The following MED13 variants were observed in gnomAD, a reference collection of about 807,000 sequenced individuals.
The protein encoded by MED13 is mediator complex subunit 13.
In MED13, 23 loss-of-function variants were observed where a neutral mutation model predicts 225.2. The observed-to-expected ratio is 0.10, with a 90% CI of 0.07 to 0.14. MED13 has a LOEUF of 0.14. Ranked by LOEUF, MED13 falls within the 10% of genes least tolerant of loss-of-function variation. The pLI is 1.00. For synonymous variants in MED13, 942 were observed against 889.2 expected, an observed-to-expected ratio of 1.06 and a Z score of -1.06; for missense variants, 2,197 against 2,594.5, an observed-to-expected ratio of 0.85 and a Z score of 3.33.
rs370054054 is a variant in MED13 at position 61,982,463 on chromosome 17, T to C, written c.3540A>G (p.Glu1180=). The C allele has an allele frequency of 1.2e-6, 2 of 1,614,126 alleles. No homozygotes were observed. Among genetic ancestry groups the C allele is most frequent in the African/African-American group, 2.7e-5 (2 of 74,958 alleles). Reference sequence around the variant, plus strand: ...TCAAATCATCAGATAATTTTTCAGATTCCTTTAGTCCTCCATTAACATGTT... The same window carrying C: ...TCAAATCATCAGATAATTTTTCAGACTCCTTTAGTCCTCCATTAACATGTT... ...SAEHVNGGLK[E]SEKLSDDLIL... Residue 1180 remains glutamate, a synonymous_variant, in exon 16 of 30, where the codon GAA becomes GAG. Coordinates refer to ENST00000397786, the MANE Select transcript of MED13 (RefSeq NM_005121.3).
intron 9 of MED13, chr17:62,003,943 CT>C (rs1567971157): frequency 6.6e-6 from 1 of 151,962 alleles, no homozygotes; most frequent in Non-Finnish European, 1.5e-5. Flanking sequence ...TCTAAGAGAC[CT>C]TCATTTTACT....
intron 16 of MED13, among the ~76,000 whole-genome samples, chr17:61,977,930 C>T (rs571871696): frequency 6.6e-6 from 1 of 152,258 alleles, no homozygotes; most frequent in Non-Finnish European, 1.5e-5. Context: ...TTTCTTTGGA[C>T]AAGTTGTTAA....
Position 61,946,901 on chromosome 17 carries a change from G to T in MED13, c.6392+16C>A. The T allele has an allele frequency of 6.3e-7, 1 of 1,576,548 alleles. No individual in the cohort carries two copies. The highest frequency in any genetic ancestry group is 8.7e-7 in the Non-Finnish European group (1 of 1,146,910). On this transcript the variant is annotated intron_variant, in intron 29 of 29. Coordinates refer to ENST00000397786, the MANE Select transcript of MED13 (RefSeq NM_005121.3). ...AAAGTTGCAGTGACAAACTGTTAAT[G>T]GTAAAAGAGTTGTACCTGAGGACAT...
At position 62,048,064 on chromosome 17, in the gene MED13, G is replaced by GTATA. The variant is rs1357948287; in HGVS notation, c.470+4469_470+4472dup. On this transcript the variant is annotated intron_variant, in intron 3 of 29. Transcript: ENST00000397786. ...TATACATATATATATATATATATATGTATATATGTATATATATATCCCTGA... is the reference window on the plus strand; with the variant it reads ...TATACATATATATATATATATATATGTATATATATATGTATATATATATCCCTGA... Among the ~76,000 whole-genome samples the GTATA allele has an allele frequency of 2.7e-5, 3 of 112,878 alleles. No individual in the cohort carries two copies. In the East Asian group the frequency reaches 7.5e-4, roughly 28 times the overall value. 74.1% of individuals were successfully genotyped at this position (112,878 alleles called of 152,430 possible).
At chr17:62,034,274 C>G (rs2080782990) in intron 4 of MED13, among the ~76,000 whole-genome samples, 1 of 152,052 alleles carries the variant, frequency 6.6e-6, no homozygotes, top group Non-Finnish European at 1.5e-5. Context: ...CACCTGAGGT[C>G]AGGAGTTCAA....
chr17:61,986,549 T>C (rs2080249808), intron 12 of MED13, among the ~76,000 whole-genome samples: 2 of 152,210 alleles, frequency 1.3e-5, no homozygotes, highest in South Asian at 2.1e-4. Context: ...ATCATGTATC[T>C]GTCTTATAAT....
chr17:61,955,472 T>C lies in MED13; in HGVS notation c.5878A>G (p.Ile1960Val), dbSNP rs768718740. The C allele has an allele frequency of 2.5e-6, 4 of 1,605,122 alleles. No homozygotes were observed. The African/African-American group carries it at 4.0e-5, about 16-fold the overall frequency. The part of the protein sequence containing the change: ...NTPQDTSCTH[I>V]LVFPTSASVQ... Reference sequence around the variant, plus strand: ...GAAGCAGAAGTAGGAAACACAAGTATATGAGTACATGATGTATCCTGTGGG... The same window carrying C: ...GAAGCAGAAGTAGGAAACACAAGTACATGAGTACATGATGTATCCTGTGGG... The change falls in exon 26 of 30, where the codon ATA becomes GTA. Residue 1960 changes from isoleucine (I) to valine (V), a missense_variant. Ile to Val is a conservative substitution (Grantham distance 29). This residue lies in a region of MED13 where 216 missense variants were observed against 388.9 expected (regional missense o/e 0.56). Transcript: ENST00000397786.
At chr17:61,979,050 T>C (rs898582019) in intron 16 of MED13, among the ~76,000 whole-genome samples, 2 of 152,216 alleles carry the variant, frequency 1.3e-5, no homozygotes, top group African/African-American at 4.8e-5. Flanking sequence ...ATTTCAAGAA[T>C]TAACCAATAT....
intron 8 of MED13, among the ~76,000 whole-genome samples, chr17:62,022,925 G>A (rs907281264): frequency 2.0e-5 from 3 of 151,884 alleles, no homozygotes; most frequent in Admixed American, 6.6e-5. Flanking sequence ...CAGGAGGATC[G>A]TTTCAGCCCA....
chr17:61,980,985 AAGTGCT>A (rs1185190563), intron 16 of MED13, among the ~76,000 whole-genome samples: 6 of 150,112 alleles, frequency 4.0e-5, no homozygotes. Context: ...CAGTCTCCCA[AAGTGCT>A]GGGATTAGAC....
rs968205943 is a variant in MED13 at position 61,945,576 on chromosome 17, G to A, written c.*892C>T. 2.0e-5 allele frequency: 3 copies of A among 152,530 alleles called. No homozygotes were observed. The highest frequency in any genetic ancestry group is 4.4e-5 in the Non-Finnish European group (3 of 68,018). The allele number at this position is 152,530 out of a possible 1,614,324, so 9.4% of individuals were successfully genotyped here. On this transcript the variant is annotated 3_prime_UTR_variant, in exon 30 of 30. Coordinates refer to ENST00000397786, the MANE Select transcript of MED13 (RefSeq NM_005121.3). ...CTAAACCATAGTACAAAATATAACT[G>A]AAGAATTCTCATTTTATTCTAAGTT...
intron 11 of MED13, among the ~76,000 whole-genome samples, chr17:61,988,582 C>T (rs1241475879): frequency 6.6e-6 from 1 of 152,136 alleles, no homozygotes; most frequent in African/African-American, 2.4e-5. Context: ...TGAAGCTCCA[C>T]CTTGGAGATA....
Position 61,962,787 on chromosome 17 carries a change from G to A in MED13, c.5029C>T (p.Leu1677Phe). 6.2e-7 allele frequency: 1 copy of A among 1,614,110 alleles called. No individual in the cohort carries two copies. The highest frequency in any genetic ancestry group is 8.5e-7 in the Non-Finnish European group (1 of 1,180,012). The change falls in exon 21 of 30, where the codon CTT (leucine) becomes TTT (phenylalanine). Residue 1677 changes from leucine (L) to phenylalanine (F), a missense_variant. By Grantham distance (22) the Leu-to-Phe change is conservative. Transcript: ENST00000397786. ...LRCFLEMVQT[L>F]PPHIKSTVSV... ...ACAGTACTCTTGATATGAGGAGGAAGAGTCTGGACCATTTCTAGAAAGCAT... is the reference window on the plus strand; with the variant it reads ...ACAGTACTCTTGATATGAGGAGGAAAAGTCTGGACCATTTCTAGAAAGCAT...
At chr17:62,052,818 A>T (rs1383571677) in intron 2 of MED13, 113 bp from the exon 3 acceptor site, 3 of 628,012 alleles carry the variant, frequency 4.8e-6, no homozygotes, top group Non-Finnish European at 7.5e-6. Flanking sequence ...TTACCCCAGA[A>T]TATTAAGCTA....
At chr17:62,024,996 C>T (rs1002252296) in intron 8 of MED13, among the ~76,000 whole-genome samples, 13 of 152,134 alleles carry the variant, frequency 8.5e-5, no homozygotes, top group Admixed American at 7.2e-4. Flanking sequence ...TGAACATTCC[C>T]GTGCATGTGT....
At chr17:61,953,244 C>A in intron 26 of MED13, 131 bp from the exon 27 acceptor site, 3 of 874,958 alleles carry the variant, frequency 3.4e-6, no homozygotes, top group Non-Finnish European at 5.1e-6. Flanking sequence ...TGAGTGTCTA[C>A]CATGTGCCAA....
At chr17:62,056,953 T>C (rs1419059328) in intron 2 of MED13, among the ~76,000 whole-genome samples, 1 of 152,142 alleles carries the variant, frequency 6.6e-6, no homozygotes, top group African/African-American at 2.4e-5. Context: ...ATTTTTTTCC[T>C]GAAGATGCAG....
Position 61,955,580 on chromosome 17 carries a change from G to C in MED13, c.5783-13C>G. On this transcript the variant is annotated splice_polypyrimidine_tract_variant and intron_variant, in intron 25 of 29. Coordinates refer to ENST00000397786, the MANE Select transcript of MED13 (RefSeq NM_005121.3). Reference sequence around the variant, plus strand: ...GTTGACACAGAATCTGAAAATGAAAGACATTTTTTCTTTTAATAAACGAAG... The same window carrying C: ...GTTGACACAGAATCTGAAAATGAAACACATTTTTTCTTTTAATAAACGAAG... 6.5e-7 allele frequency: 1 copy of C among 1,544,580 alleles called. No individual in the cohort carries two copies. The highest frequency in any genetic ancestry group is 1.3e-5 in the South Asian group (1 of 78,822).
At chr17:61,971,144 G>A (rs1486395404) in intron 17 of MED13, among the ~76,000 whole-genome samples, 4 of 151,820 alleles carry the variant, frequency 2.6e-5, no homozygotes, top group African/African-American at 9.7e-5. Context: ...ACACTGCACT[G>A]GTAAAATATA....
Sources: gnomAD v4.1 joint callset for allele counts (sites outside exome capture counted in the v4.1 genomes callset) on GRCh38, gnomAD v4.1.1 for gene constraint, gnomAD v4.1.1 regional missense constraint, MANE v1.5 for transcripts, NCBI Gene and HGNC (gene_info 2026-07-23, HGNC 2026-07-21) for gene names.